Variants in ZFAND6 observed in about 807,000 individuals in gnomAD.
The protein encoded by ZFAND6 is zinc finger AN1-type containing 6.
A neutral mutation model predicts 24.5 loss-of-function variants in ZFAND6; 12 were observed. The ratio of observed to expected loss-of-function variants is 0.49; its 90% CI spans 0.31 to 0.79. The LOEUF is 0.79. Ranked by LOEUF, ZFAND6 falls within the 30% of genes least tolerant of loss-of-function variation. The pLI, the probability that ZFAND6 is intolerant of heterozygous loss-of-function variation, is 0.04. For missense variants in ZFAND6, 207 were observed against 245.9 expected (o/e 0.84, Z 1.06); for synonymous variants, 92 against 81.5 (o/e 1.13, Z -0.69).
At chr15:80,078,504 T>G (rs775129491) in intron 1 of ZFAND6, among the ~76,000 whole-genome samples, 15 of 152,244 alleles carry the variant, frequency 9.9e-5, no homozygotes, top group Non-Finnish European at 1.6e-4. Flanking sequence ...TTGTGAATAG[T>G]GCTGTGATGA....
intron 1 of ZFAND6, among the ~76,000 whole-genome samples, chr15:80,089,013 G>C (rs923713275): frequency 2.0e-5 from 3 of 151,878 alleles, no homozygotes; most frequent in Non-Finnish European, 4.4e-5. Context: ...ATCTCAACGT[G>C]TACTGTACTT....
At chr15:80,122,612 T>C (rs1013008075) in intron 4 of ZFAND6, 88 bp from the exon 5 acceptor site, 6 of 794,688 alleles carry the variant, frequency 7.6e-6, no homozygotes, top group Admixed American at 2.0e-5. Context: ...AATTATCTAC[T>C]TAGATATGTT....
rs141262961 is a variant in ZFAND6 at position 80,074,041 on chromosome 15, A to G, written c.-181+14232A>G. Among the ~76,000 whole-genome samples, 668 of 152,058 alleles carry G rather than the reference A, an allele frequency of 4.4e-3. 5 individuals are homozygous for G. The highest frequency in any genetic ancestry group is 0.015 in the African/African-American group (617 of 41,544). On this transcript the variant is annotated intron_variant, in intron 1 of 6. Coordinates refer to ENST00000261749, the MANE Select transcript of ZFAND6 (RefSeq NM_019006.4). ...CCAAATTGTTTTTCTAAAAAGTTAT[A>G]CCAGTTTATATCGACACCAGCAGAA...
intron 2 of ZFAND6, among the ~76,000 whole-genome samples, chr15:80,107,621 T>G (rs1344233349): frequency 1.3e-5 from 2 of 151,986 alleles, no homozygotes; most frequent in African/African-American, 2.4e-5. Context: ...GGTCAGGAGT[T>G]CAAGACCAGT....
intron 2 of ZFAND6, among the ~76,000 whole-genome samples, chr15:80,102,553 A>C (rs1372282572): frequency 6.6e-6 from 1 of 152,228 alleles, no homozygotes; most frequent in Non-Finnish European, 1.5e-5. Context: ...TGATTTTTAC[A>C]TTTAAATGCT....
At chr15:80,089,789 T>C (rs2038240124) in intron 1 of ZFAND6, among the ~76,000 whole-genome samples, 1 of 152,166 alleles carries the variant, frequency 6.6e-6, no homozygotes, top group Non-Finnish European at 1.5e-5. Context: ...ATGCTTGAAC[T>C]ATGTTTTCCT....
chr15:80,097,341 A>C (rs956884841), intron 1 of ZFAND6, among the ~76,000 whole-genome samples: 3 of 152,064 alleles, frequency 2.0e-5, no homozygotes, highest in Non-Finnish European at 2.9e-5. Context: ...TAGCAATATA[A>C]ATTTTTTTAA....
At chr15:80,089,526 G>T (rs975745307) in intron 1 of ZFAND6, among the ~76,000 whole-genome samples, 2 of 152,014 alleles carry the variant, frequency 1.3e-5, no homozygotes, top group African/African-American at 4.8e-5. Context: ...AAAGTGGTGG[G>T]ATTACAGGTG....
intron 1 of ZFAND6, among the ~76,000 whole-genome samples, chr15:80,097,525 T>C (rs892486210): frequency 1.3e-5 from 2 of 151,976 alleles, no homozygotes; most frequent in Non-Finnish European, 2.9e-5. Context: ...GTTGGGTGCC[T>C]GTAGTCCCAG....
chr15:80,108,340 A>G (rs1414270803), intron 2 of ZFAND6, among the ~76,000 whole-genome samples: 2 of 152,198 alleles, frequency 1.3e-5, no homozygotes, highest in Admixed American at 1.3e-4. Flanking sequence ...GGGGAAGTAC[A>G]AAGTCTACAT....
intron 2 of ZFAND6, among the ~76,000 whole-genome samples, chr15:80,107,763 G>A (rs983482639): frequency 9.2e-5 from 14 of 151,982 alleles, no homozygotes; most frequent in African/African-American, 3.1e-4. Flanking sequence ...AGGTTGCAGT[G>A]AGCCAAGATC....
chr15:80,123,614 A>C (rs191951147), intron 5 of ZFAND6, among the ~76,000 whole-genome samples: 1 of 152,326 alleles, frequency 6.6e-6, no homozygotes, highest in East Asian at 1.9e-4. Context: ...CTAAATTTTT[A>C]ATTTAGGCCA....
intron 1 of ZFAND6, among the ~76,000 whole-genome samples, chr15:80,065,606 C>T (rs2036590005): frequency 7.6e-6 from 1 of 131,698 alleles, no homozygotes; most frequent in Admixed American, 8.8e-5. Context: ...AGTGTGATGG[C>T]ATGATCTTGG....
At chr15:80,130,815 T>C (rs2040566366) in intron 5 of ZFAND6, 1 of 183,324 alleles carries the variant, frequency 5.5e-6, no homozygotes, top group Admixed American at 6.1e-5. Context: ...TATTAAGAAC[T>C]ATGCATATGG....
At chr15:80,134,420 G>A (rs987976571) in intron 6 of ZFAND6, among the ~76,000 whole-genome samples, 3 of 152,186 alleles carry the variant, frequency 2.0e-5, no homozygotes, top group African/African-American at 7.2e-5. Context: ...GTCAGGGGTC[G>A]TAAAGACCTT....
intron 1 of ZFAND6, among the ~76,000 whole-genome samples, chr15:80,087,799 A>G (rs192478996): frequency 1.4e-3 from 209 of 152,244 alleles, no homozygotes; most frequent in African/African-American, 4.8e-3. Context: ...TAGATTCCCA[A>G]TTGTTATACT....
chr15:80,136,233 T>A (rs7172637), intron 6 of ZFAND6, among the ~76,000 whole-genome samples: 91,281 of 152,000 alleles, frequency 0.6, 28,084 homozygotes, highest in Admixed American at 0.7. Flanking sequence ...TCGGGAGGCC[T>A]AGGCAGGCAG....
In ZFAND6 at chr15:80,117,341, GC is replaced by G. The variant is rs554960558; in HGVS notation, c.-17-2985del. Among the ~76,000 whole-genome samples the G allele has an allele frequency of 4.0e-3, 615 of 152,146 alleles. 8 individuals are homozygous for G. The highest frequency in any genetic ancestry group is 4.0e-3 in the Non-Finnish European group (275 of 68,004). ...GGCTTCATGCCATTCTCCTGCCTCAGCCTCCTGAGGAGCTGGGATTACAGGC... is the reference window on the plus strand; with the variant it reads ...GGCTTCATGCCATTCTCCTGCCTCAGCTCCTGAGGAGCTGGGATTACAGGC... On this transcript the variant is annotated intron_variant, in intron 2 of 6. Coordinates refer to ENST00000261749, the MANE Select transcript of ZFAND6 (RefSeq NM_019006.4).
Position 80,137,804 on chromosome 15 carries a change from T to G in ZFAND6, c.*176T>G. On this transcript the variant is annotated 3_prime_UTR_variant, in exon 7 of 7. Transcript: ENST00000261749. ...TCTGAACATTTATTTCCATTGCAATTTCTGTGGCTGAGGAGACTTAAACTT... is the reference window on the plus strand; with the variant it reads ...TCTGAACATTTATTTCCATTGCAATGTCTGTGGCTGAGGAGACTTAAACTT... 7 of 577,110 alleles carry G rather than the reference T, an allele frequency of 1.2e-5. No homozygotes were observed. Among genetic ancestry groups the G allele is most frequent in the East Asian group, 3.7e-5 (1 of 27,282 alleles). 35.7% of individuals were successfully genotyped at this position (577,110 alleles called of 1,614,324 possible). A position where few individuals can be genotyped will look rare whatever the true frequency, so the allele number is the denominator to read the frequency against.
Sources: gnomAD v4.1 joint callset for allele counts (sites outside exome capture counted in the v4.1 genomes callset) on GRCh38, gnomAD v4.1.1 for gene constraint, MANE v1.5 for transcripts, NCBI Gene and HGNC (gene_info 2026-07-23, HGNC 2026-07-21) for gene names.